Variants in HEATR3 observed in about 807,000 individuals in gnomAD.
HEATR3 encodes the protein HEAT repeat-containing protein 3.
In HEATR3, 56 loss-of-function variants were observed where a neutral mutation model predicts 72.8. That is an observed-to-expected ratio of 0.77 (90% CI 0.62 to 0.96). The LOEUF is 0.96. HEATR3 is among the 40% of genes least tolerant of loss of function. HEATR3 has a pLI of 0.00. For missense variants in HEATR3, 747 were observed against 831.4 expected (o/e 0.90, Z 1.25); for synonymous variants, 331 against 318.1 (o/e 1.04, Z -0.43).
Position 50,094,749 on chromosome 16 carries a change from T to G in HEATR3, c.1555T>G (p.Leu519Val), listed in dbSNP as rs1344870158. Residue 519 changes from leucine (L) to valine (V), a missense_variant, in exon 12 of 15, where the codon TTG (leucine) becomes GTG (valine). Physicochemically the swap from Leu to Val is conservative, Grantham distance 32. Coordinates refer to ENST00000299192, the MANE Select transcript of HEATR3 (RefSeq NM_182922.4). The stretch of plus-strand genomic sequence containing the variant: ...CTTTCTAGAAGCCATAAGTAGTGCT[T>G]TGAGGGCCCTTTTGCAAACAATGGC... ...VDFLEAISSA[L>V]RALLQTMASK... The G allele has an allele frequency of 1.3e-6, 2 of 1,596,994 alleles. No individual in the cohort carries two copies.
At chr16:50,068,714 G>T in intron 2 of HEATR3, 66 bp from the exon 3 acceptor site, 1 of 757,142 alleles carries the variant, frequency 1.3e-6, no homozygotes, top group South Asian at 1.7e-5. Context: ...ATAGAAATGT[G>T]AGAGGGTAGA....
At position 50,083,933 on chromosome 16, in the gene HEATR3, TAAGC is replaced by T; in HGVS notation, c.1042-3_1042del. 6.7e-7 allele frequency: 1 copy of T among 1,490,350 alleles called. No individual in the cohort carries two copies. Among genetic ancestry groups the T allele is most frequent in the African/African-American group, 1.4e-5 (1 of 69,582 alleles). 92.3% of individuals were successfully genotyped at this position (1,490,350 alleles called of 1,614,324 possible). On this transcript the variant is annotated splice_acceptor_variant and splice_polypyrimidine_tract_variant and coding_sequence_variant and intron_variant, in exon 8 of 15. Transcript: ENST00000299192. LOFTEE classifies it high-confidence loss of function. ...GGTCATTTACTTTTTTTTTTTTTTT[TAAGC>T]CCACTGACAAGGAACTGAGAGAGAC...
At chr16:50,089,940 C>T (rs1597163298) in intron 11 of HEATR3, among the ~76,000 whole-genome samples, 1 of 152,158 alleles carries the variant, frequency 6.6e-6, no homozygotes, top group Non-Finnish European at 1.5e-5. Flanking sequence ...GCTGGGATTA[C>T]AGGCATGAGC....
chr16:50,074,480 C>G (rs1430546300), intron 5 of HEATR3: 1 of 151,986 alleles, frequency 6.6e-6, no homozygotes, highest in Non-Finnish European at 1.5e-5. Flanking sequence ...GCTGGGATTA[C>G]AGGCGTGCAT....
chr16:50,079,129 G>T, intron 7 of HEATR3, 111 bp downstream of exon 7: 1 of 1,079,346 alleles, frequency 9.3e-7, no homozygotes, highest in South Asian at 1.6e-5. Flanking sequence ...TATAAAGTGC[G>T]TTTTGGTAAA....
chr16:50,083,909 G>T (rs2036926687), intron 7 of HEATR3, 28 bp from the exon 8 acceptor site: 1 of 1,517,468 alleles, frequency 6.6e-7, no homozygotes, highest in African/African-American at 1.4e-5. Context: ...TTGAGAGTTG[G>T]TCATTTACTT....
chr16:50,066,893 A>ACTTTT (rs2036509939), intron 2 of HEATR3: 3 of 241,000 alleles, frequency 1.2e-5, no homozygotes, highest in African/African-American at 6.7e-5. Flanking sequence ...TGAGCAGCCA[A>ACTTTT]GACTTTTGAG....
intron 6 of HEATR3, among the ~76,000 whole-genome samples, chr16:50,077,271 C>G (rs775077444): frequency 6.6e-6 from 1 of 151,956 alleles, no homozygotes; most frequent in Non-Finnish European, 1.5e-5. Context: ...CTCGACCTCC[C>G]TGTGCTGGGA....
chr16:50,079,434 G>A (rs769758490), intron 7 of HEATR3, among the ~76,000 whole-genome samples: 7 of 152,168 alleles, frequency 4.6e-5, no homozygotes, highest in Admixed American at 2.0e-4. Flanking sequence ...CCTTATCAAG[G>A]TGGCAAACCA....
intron 5 of HEATR3, 98 bp from the exon 6 acceptor site, chr16:50,075,473 A>C: frequency 8.9e-7 from 1 of 1,124,116 alleles, no homozygotes; most frequent in Non-Finnish European, 1.3e-6. Flanking sequence ...TGTCTAATGA[A>C]GTGGTAATGA....
At chr16:50,082,374 A>G (rs554422400) in intron 7 of HEATR3, among the ~76,000 whole-genome samples, 1 of 152,048 alleles carries the variant, frequency 6.6e-6, no homozygotes, top group South Asian at 2.1e-4. Flanking sequence ...AATAAGCCAG[A>G]TTTTCGTATA....
chr16:50,075,689 T>A lies in HEATR3; in HGVS notation c.741T>A (p.Leu247=), dbSNP rs760866704. ...LLSPVSSMES[L]LLKTLVAGTI... is the part of the protein sequence containing the mutation. ...CTCCTGTCAGTTCCATGGAATCTCT[T>A]CTATTGAAGACATTGGTAGCAGGTA... The change falls in exon 6 of 15, where the codon CTT becomes CTA. Residue 247 remains leucine, a synonymous_variant. Coordinates refer to ENST00000299192, the MANE Select transcript of HEATR3 (RefSeq NM_182922.4). The A allele has an allele frequency of 6.2e-7, 1 of 1,613,574 alleles. No homozygotes were observed.
intron 14 of HEATR3, among the ~76,000 whole-genome samples, chr16:50,103,264 T>C (rs1385254127): frequency 6.6e-6 from 1 of 152,260 alleles, no homozygotes; most frequent in Non-Finnish European, 1.5e-5. Flanking sequence ...GAAAGGTCTT[T>C]GTTCTGATTG....
chr16:50,089,841 G>A (rs1453417345), intron 11 of HEATR3, among the ~76,000 whole-genome samples: 1 of 151,822 alleles, frequency 6.6e-6, no homozygotes, highest in African/African-American at 2.4e-5. Context: ...GCTAATTTTT[G>A]TATTTTTATA....
intron 11 of HEATR3, among the ~76,000 whole-genome samples, chr16:50,087,050 G>A (rs1347049852): frequency 1.3e-5 from 2 of 152,182 alleles, no homozygotes; most frequent in Non-Finnish European, 2.9e-5. Flanking sequence ...GACAGAAACT[G>A]GAAAGCCTCC....
intron 12 of HEATR3, chr16:50,098,332 C>G (rs2037290558): frequency 6.6e-6 from 1 of 151,900 alleles, no homozygotes; most frequent in Non-Finnish European, 1.5e-5. Flanking sequence ...GTATACAACC[C>G]CCCACGCTAA....
chr16:50,083,861 T>A, intron 7 of HEATR3, 76 bp from the exon 8 acceptor site: 1 of 1,359,256 alleles, frequency 7.4e-7, no homozygotes, highest in Non-Finnish European at 1.0e-6. Context: ...CTAGTAGGCT[T>A]TCACTAAGGA....
At chr16:50,081,654 A>T (rs1184920625) in intron 7 of HEATR3, among the ~76,000 whole-genome samples, 1 of 152,198 alleles carries the variant, frequency 6.6e-6, no homozygotes, top group African/African-American at 2.4e-5. Flanking sequence ...CACAAATTAT[A>T]TTCAGCTGTG....
intron 11 of HEATR3, among the ~76,000 whole-genome samples, chr16:50,089,510 C>A (rs1186899103): frequency 6.6e-6 from 1 of 152,182 alleles, no homozygotes; most frequent in Non-Finnish European, 1.5e-5. Context: ...CGTATCCCAT[C>A]TGTGGCCTTC....
Sources: gnomAD v4.1 joint callset for allele counts (sites outside exome capture counted in the v4.1 genomes callset) on GRCh38, gnomAD v4.1.1 for gene constraint, MANE v1.5 for transcripts, NCBI Gene and HGNC (gene_info 2026-07-23, HGNC 2026-07-21) for gene names.